SGCZ: variants seen among roughly 807,000 people sequenced by gnomAD.
SGCZ encodes zeta-sarcoglycan.
In SGCZ, 40 loss-of-function variants were observed where a neutral mutation model predicts 41.3. The observed-to-expected ratio is 0.97, with a 90% CI of 0.75 to 1.26. The LOEUF is 1.26. Ranked by LOEUF, SGCZ falls within the 50% of genes most tolerant of loss-of-function variation. SGCZ has a pLI of 0.00. For missense variants in SGCZ, 552 were observed against 369.8 expected, an observed-to-expected ratio of 1.49 and a Z score of -4.04; for synonymous variants, 206 against 137.5, an observed-to-expected ratio of 1.50 and a Z score of -3.49.
chr8:14,898,319 C>A (rs965853358), intron 1 of SGCZ, among the ~76,000 whole-genome samples: 3 of 152,114 alleles, frequency 2.0e-5, no homozygotes, highest in African/African-American at 7.2e-5. Context: ...GAAGGCAAAG[C>A]TATGCAATGT....
At chr8:14,601,129 T>G (rs918320550) in intron 1 of SGCZ, among the ~76,000 whole-genome samples, 7 of 151,664 alleles carry the variant, frequency 4.6e-5, no homozygotes, top group Non-Finnish European at 8.8e-5. Flanking sequence ...ACAACTTGAT[T>G]ATTTTTCTGC....
chr8:14,260,388 C>T (rs562617587), intron 3 of SGCZ, among the ~76,000 whole-genome samples: 2 of 145,568 alleles, frequency 1.4e-5, no homozygotes, highest in Non-Finnish European at 3.1e-5. Context: ...AAATCAAAAC[C>T]ACAATGAGAT....
intron 1 of SGCZ, among the ~76,000 whole-genome samples, chr8:14,955,014 C>T (rs1033114787): frequency 9.2e-5 from 14 of 152,040 alleles, no homozygotes; most frequent in African/African-American, 3.4e-4. Context: ...TTATGTATAG[C>T]TTTATTTCAT....
chr8:14,872,575 G>C (rs1269494974), intron 1 of SGCZ, among the ~76,000 whole-genome samples: 2 of 152,050 alleles, frequency 1.3e-5, no homozygotes, highest in East Asian at 3.9e-4. Flanking sequence ...TTTATGAGCA[G>C]AATGCAATTT....
intron 1 of SGCZ, among the ~76,000 whole-genome samples, chr8:14,888,959 A>G (rs1037973435): frequency 3.9e-5 from 6 of 152,162 alleles, no homozygotes; most frequent in South Asian, 2.1e-4. Flanking sequence ...AAATCACTTA[A>G]TAAGATCCAA....
intron 2 of SGCZ, among the ~76,000 whole-genome samples, chr8:14,450,650 G>A (rs1800566256): frequency 6.6e-6 from 1 of 152,272 alleles, no homozygotes; most frequent in Non-Finnish European, 1.5e-5. Context: ...ATGTGTGCCA[G>A]TCAGTAAAAC....
intron 2 of SGCZ, among the ~76,000 whole-genome samples, chr8:14,349,925 T>C (rs920352772): frequency 2.0e-5 from 3 of 152,152 alleles, no homozygotes; most frequent in Admixed American, 6.6e-5. Flanking sequence ...AGGAAAGTCG[T>C]GTAGCTTTAA....
At chr8:14,900,055 G>C (rs1243107144) in intron 1 of SGCZ, among the ~76,000 whole-genome samples, 1 of 152,030 alleles carries the variant, frequency 6.6e-6, no homozygotes, top group Non-Finnish European at 1.5e-5. Context: ...TTCTGTGGAA[G>C]TTGGATATTT....
intron 1 of SGCZ, among the ~76,000 whole-genome samples, chr8:14,882,277 C>T (rs1040576852): frequency 2.4e-4 from 36 of 152,208 alleles, no homozygotes; most frequent in African/African-American, 7.2e-4. Context: ...CTTGAGGGAA[C>T]CTTTGGGAAG....
intron 3 of SGCZ, among the ~76,000 whole-genome samples, chr8:14,259,339 C>G (rs1045889105): frequency 2.6e-5 from 4 of 151,824 alleles, no homozygotes; most frequent in South Asian, 2.1e-4. Context: ...TCAATTTTGT[C>G]TTTTGTTGCC....
intron 1 of SGCZ, among the ~76,000 whole-genome samples, chr8:15,192,163 C>G (rs1800563811): frequency 6.6e-6 from 1 of 152,110 alleles, no homozygotes; most frequent in Non-Finnish European, 1.5e-5. Context: ...TGTGCTATTT[C>G]TTTATTCATG....
chr8:14,168,213 A>G (rs7839595), intron 4 of SGCZ, among the ~76,000 whole-genome samples: 89,707 of 152,030 alleles, frequency 0.59, 26,956 homozygotes, highest in East Asian at 0.82. Context: ...AAAATTACCA[A>G]CTAAATTCTA....
chr8:14,436,504 A>G (rs1328564235), intron 2 of SGCZ, among the ~76,000 whole-genome samples: 3 of 152,156 alleles, frequency 2.0e-5, no homozygotes, highest in East Asian at 1.9e-4. Context: ...GGTCAAAATT[A>G]TTTTTATAGT....
chr8:14,198,079 G>A lies in SGCZ; in HGVS notation c.425-33377C>T, dbSNP rs78217675. Among the ~76,000 whole-genome samples the A allele has an allele frequency of 9.1e-4, 138 of 152,208 alleles. 3 individuals carry two copies. The East Asian group carries it at 0.025, about 27-fold the overall frequency. ...ATTATAGCAGTCCTCACTTAACTGTGGTTATTAAATGGAAAATTCCAGAAA... is the reference window on the plus strand; with the variant it reads ...ATTATAGCAGTCCTCACTTAACTGTAGTTATTAAATGGAAAATTCCAGAAA... On this transcript the variant is annotated intron_variant, in intron 4 of 7. Coordinates refer to ENST00000382080, the MANE Select transcript of SGCZ (RefSeq NM_139167.4).
At chr8:14,473,000 A>G (rs1801256596) in intron 2 of SGCZ, among the ~76,000 whole-genome samples, 2 of 152,120 alleles carry the variant, frequency 1.3e-5, no homozygotes, top group South Asian at 4.1e-4. Context: ...TGGTAATCCA[A>G]GAGTCTTTGT....
At chr8:14,889,228 A>G (rs528901233) in intron 1 of SGCZ, among the ~76,000 whole-genome samples, 7 of 151,732 alleles carry the variant, frequency 4.6e-5, no homozygotes, top group South Asian at 2.1e-4. Context: ...GCAAGAAACT[A>G]TTTTTGAATT....
chr8:14,375,244 C>T (rs1487508163), intron 2 of SGCZ, among the ~76,000 whole-genome samples: 4 of 152,136 alleles, frequency 2.6e-5, no homozygotes, highest in African/African-American at 9.7e-5. Flanking sequence ...AACAGTTGTG[C>T]ACTGAATAAT....
In SGCZ at chr8:15,218,468, G is replaced by C. The variant is rs542452664; in HGVS notation, c.39+19117C>G. The stretch of plus-strand genomic sequence containing the variant: ...TGTTTATAATTAAAAGCTGCCTTTA[G>C]GCAGTTAAGAACCTTTGGAGAGCTT... On this transcript the variant is annotated intron_variant, in intron 1 of 7. Coordinates refer to ENST00000382080, the MANE Select transcript of SGCZ (RefSeq NM_139167.4). Among the ~76,000 whole-genome samples, 45 of 152,294 alleles carry C rather than the reference G, an allele frequency of 3.0e-4. 1 individual carries two copies. In the South Asian group the frequency reaches 8.9e-3, roughly 30 times the overall value.
At chr8:14,702,700 T>G (rs1233531230) in intron 1 of SGCZ, among the ~76,000 whole-genome samples, 1 of 147,918 alleles carries the variant, frequency 6.8e-6, no homozygotes, top group Non-Finnish European at 1.5e-5. Flanking sequence ...CAAATGCCAG[T>G]TCATATATCA....
Sources: allele counts gnomAD v4.1 joint callset (sites outside exome capture counted in the v4.1 genomes callset), GRCh38; gene constraint gnomAD v4.1.1; transcripts MANE v1.5; gene names NCBI Gene and HGNC (gene_info 2026-07-23, HGNC 2026-07-21).